Variants in ACER1 observed in about 807,000 individuals in gnomAD.
The protein encoded by ACER1 is CTB-180A7.3.
A neutral mutation model predicts 24.9 loss-of-function variants in ACER1; 28 were observed. The ratio of observed to expected loss-of-function variants is 1.13; its 90% confidence interval spans 0.83 to 1.54. The LOEUF (loss-of-function observed/expected upper bound fraction) is 1.54, where lower values mean the gene tolerates loss of function less well. Ranked by LOEUF, ACER1 falls within the 40% of genes most tolerant of loss-of-function variation. ACER1 has a pLI of 0.00. For synonymous variants in ACER1, 132 were observed against 131.4 expected (o/e 1.00, Z -0.03); for missense variants, 352 against 349.3 (o/e 1.01, Z -0.06).
chr19:6,313,357 G>A (rs1479381873), intron 1 of ACER1, among the ~76,000 whole-genome samples: 1 of 152,150 alleles, frequency 6.6e-6, no homozygotes, highest in South Asian at 2.1e-4. Flanking sequence ...CCAGCCTCAA[G>A]TGATCCTCCC....
the ACER1 span, among the ~76,000 whole-genome samples, chr19:6,355,205 T>C: frequency 2.6e-4 from 40 of 152,094 alleles, no homozygotes; most frequent in East Asian, 1.2e-3. Context: ...TGCCTTGGCC[T>C]CCCAAAGTGC....
chr19:6,328,496 CAAAAA>C (rs1013111916), intron 1 of ACER1, among the ~76,000 whole-genome samples: 850 of 41,128 alleles, frequency 0.021, 3 homozygotes, highest in Non-Finnish European at 0.039. Context: ...GACTCCATCT[CAAAAA>C]AAAAAAAAAA....
intron 4 of ACER1, 145 bp from the exon 5 acceptor site, chr19:6,307,435 C>T: frequency 1.1e-6 from 1 of 880,594 alleles, no homozygotes; most frequent in Non-Finnish European, 1.7e-6. Context: ...CAGAGGGGGC[C>T]CAATCTCGTG....
chr19:6,355,486 A>G, the ACER1 span, among the ~76,000 whole-genome samples: 1 of 143,746 alleles, frequency 7.0e-6, no homozygotes, highest in Non-Finnish European at 1.5e-5. Flanking sequence ...GCCCCATATG[A>G]GAAGTGAGGA....
chr19:6,347,622 C>A, the ACER1 span, among the ~76,000 whole-genome samples: 2 of 150,638 alleles, frequency 1.3e-5, no homozygotes, highest in Non-Finnish European at 3.0e-5. Context: ...GATTACCTGG[C>A]GTCAGGAGTT....
chr19:6,324,770 A>AAGAAAG (rs762523556), intron 1 of ACER1, among the ~76,000 whole-genome samples: 1 of 150,658 alleles, frequency 6.6e-6, no homozygotes, highest in Non-Finnish European at 1.5e-5. Flanking sequence ...AAAATAAAGA[A>AAGAAAG]AGAAAGAGAA....
chr19:6,327,597 A>AAAAATAAAAT (rs936992347), intron 1 of ACER1, among the ~76,000 whole-genome samples: 1 of 149,538 alleles, frequency 6.7e-6, no homozygotes, highest in African/African-American at 2.5e-5. Context: ...ATAATAAAAT[A>AAAAATAAAAT]AAAATAAAAT....
intron 1 of ACER1, among the ~76,000 whole-genome samples, chr19:6,330,033 G>A (rs1484595882): frequency 2.0e-5 from 3 of 151,790 alleles, no homozygotes; most frequent in African/African-American, 4.8e-5. Flanking sequence ...ACCACGCCCA[G>A]CTAATTTTTT....
chr19:6,359,092 T>C, the ACER1 span, among the ~76,000 whole-genome samples: 1 of 151,910 alleles, frequency 6.6e-6, no homozygotes. Context: ...ATTAGCCAGA[T>C]GTGGTGACAT....
At chr19:6,309,629 G>A in intron 4 of ACER1, 68 bp downstream of exon 4, 2 of 1,598,660 alleles carry the variant, frequency 1.3e-6, no homozygotes, top group African/African-American at 1.3e-5. Context: ...CCCTCCGCGA[G>A]CCTGGAGTCA....
rs1023842500 is a variant in ACER1 at position 6,312,096 on chromosome 19, G to A, written c.350+53C>T. 44 of 1,589,438 alleles carry A rather than the reference G, an allele frequency of 2.8e-5. No homozygotes were observed. In the African/African-American group the frequency reaches 4.3e-4, roughly 16 times the overall value. On this transcript the variant is annotated intron_variant, in intron 3 of 5. Transcript: ENST00000301452. ...GGGGACTCAGGTGAGCTCATGTAGAGTCAACTGAAGACTCAGACCCCACCC... is the reference window on the plus strand; with the variant it reads ...GGGGACTCAGGTGAGCTCATGTAGAATCAACTGAAGACTCAGACCCCACCC...
At chr19:6,358,933 C>CCAA in the ACER1 span, among the ~76,000 whole-genome samples, 1 of 75,400 alleles carries the variant, frequency 1.3e-5, no homozygotes. Context: ...AACTCTGTCT[C>CCAA]AAAAAAAAAA....
At chr19:6,325,228 C>G (rs2091655240) in intron 1 of ACER1, among the ~76,000 whole-genome samples, 1 of 152,198 alleles carries the variant, frequency 6.6e-6, no homozygotes, top group Non-Finnish European at 1.5e-5. Context: ...GCCTGACATT[C>G]CCAATTTGGC....
chr19:6,340,174 G>A, the ACER1 span, among the ~76,000 whole-genome samples: 4 of 151,760 alleles, frequency 2.6e-5, no homozygotes, highest in Admixed American at 2.0e-4. Flanking sequence ...CCAGCTACTC[G>A]GGAGGCTGAG....
At chr19:6,335,459 G>A (rs1000542687), upstream of ACER1, among the ~76,000 whole-genome samples, 1 of 151,774 alleles carries the variant, frequency 6.6e-6, no homozygotes, top group Non-Finnish European at 1.5e-5. Flanking sequence ...TCCTGACCTT[G>A]TGATCTGCCC....
At chr19:6,323,484 T>C (rs185221496) in intron 1 of ACER1, among the ~76,000 whole-genome samples, 6 of 152,076 alleles carry the variant, frequency 3.9e-5, no homozygotes, top group African/African-American at 1.4e-4. Context: ...TCTCTTTGCC[T>C]GCTGCCATCC....
At chr19:6,309,673 C>T in intron 4 of ACER1, 24 bp downstream of exon 4, 4 of 1,613,302 alleles carry the variant, frequency 2.5e-6, no homozygotes, top group Non-Finnish European at 3.4e-6. Flanking sequence ...GCCTCCTGCC[C>T]AGGCACCTGC....
At chr19:6,359,896 G>A in the ACER1 span, among the ~76,000 whole-genome samples, 7 of 152,014 alleles carry the variant, frequency 4.6e-5, no homozygotes, top group African/African-American at 1.7e-4. Flanking sequence ...TCATCTCTTG[G>A]TTCAATGTGT....
At chr19:6,308,102 T>C (rs555191909) in intron 4 of ACER1, among the ~76,000 whole-genome samples, 1 of 149,294 alleles carries the variant, frequency 6.7e-6, no homozygotes, top group African/African-American at 2.5e-5. Flanking sequence ...AATAAATAAA[T>C]AAAAACAAGT....
Sources: allele counts gnomAD v4.1 joint callset (sites outside exome capture counted in the v4.1 genomes callset), GRCh38; gene constraint gnomAD v4.1.1; transcripts MANE v1.5; gene names NCBI Gene and HGNC (gene_info 2026-07-23, HGNC 2026-07-21).